The following CCDC30 variants were observed in gnomAD, a reference collection of about 807,000 sequenced individuals.
The protein encoded by CCDC30 is coiled-coil domain-containing protein 30.
A neutral mutation model predicts 100.2 loss-of-function variants in CCDC30; 70 were observed. The ratio of observed to expected loss-of-function variants is 0.70; its 90% confidence interval spans 0.58 to 0.85. The LOEUF is 0.85. Among genes scored for constraint, CCDC30 ranks in the 40% least tolerant of loss-of-function variants. CCDC30 has a pLI of 0.00. For missense variants in CCDC30, 652 were observed against 771.2 expected, an observed-to-expected ratio of 0.85 and a Z score of 1.83; for synonymous variants, 233 against 269.5, an observed-to-expected ratio of 0.86 and a Z score of 1.33.
At chr1:42,607,100 G>GA (rs1247423942) in intron 10 of CCDC30, among the ~76,000 whole-genome samples, 2 of 152,162 alleles carry the variant, frequency 1.3e-5, no homozygotes, top group African/African-American at 4.8e-5. Flanking sequence ...GGAAAGTGAA[G>GA]AATTTAAAGT....
rs146599969 is a variant in CCDC30 at position 42,644,132 on chromosome 1, G to A, written c.1557-561G>A. Among the ~76,000 whole-genome samples the A allele has an allele frequency of 1.1e-3, 163 of 152,200 alleles. 2 individuals are homozygous for A. The highest frequency in any genetic ancestry group is 3.4e-3 in the Middle Eastern group (1 of 294). The stretch of plus-strand genomic sequence containing the variant: ...GAGACATAAATATGTATATGTAAAG[G>A]AGAGTATATACATATATATAAAGAG... On this transcript the variant is annotated intron_variant, in intron 13 of 16. Transcript: ENST00000668663.
chr1:42,610,737 T>C (rs1459189168), intron 10 of CCDC30, among the ~76,000 whole-genome samples: 1 of 152,128 alleles, frequency 6.6e-6, no homozygotes, highest in African/African-American at 2.4e-5. Flanking sequence ...GGAAGATTTT[T>C]AATAAAGGGA....
intron 8 of CCDC30, 99 bp downstream of exon 12, chr1:42,577,328 A>T (rs1645861115): frequency 1.3e-6 from 1 of 789,024 alleles, no homozygotes; most frequent in African/African-American, 1.8e-5. Context: ...TGCAGACTTG[A>T]TAGAATTCTA....
At chr1:42,486,984 T>G (rs1644061305) in intron 3 of CCDC30, among the ~76,000 whole-genome samples, 1 of 152,000 alleles carries the variant, frequency 6.6e-6, no homozygotes, top group Admixed American at 6.6e-5. Context: ...GGAAGTAGAT[T>G]GGCATAGCTG....
chr1:42,639,496 C>T (rs1647245022), intron 12 of CCDC30, among the ~76,000 whole-genome samples: 1 of 152,200 alleles, frequency 6.6e-6, no homozygotes, highest in Non-Finnish European at 1.5e-5. Context: ...ACCCAAAGAA[C>T]CACAGGTCTT....
intron 6 of CCDC30, among the ~76,000 whole-genome samples, chr1:42,510,827 G>C (rs867866647): frequency 5.3e-5 from 8 of 152,066 alleles, no homozygotes; most frequent in Middle Eastern, 3.4e-3. Flanking sequence ...TCTCTAATTT[G>C]GGGGAATCAT....
chr1:42,459,368 T>C, upstream of CCDC30: 1 of 504,254 alleles, frequency 2.0e-6, no homozygotes, highest in Non-Finnish European at 3.5e-6. Context: ...TTTGCCATGT[T>C]GCCCAGGCTG....
intron 6 of CCDC30, among the ~76,000 whole-genome samples, chr1:42,509,010 C>CA (rs1391738434): frequency 3.9e-5 from 6 of 152,270 alleles, no homozygotes; most frequent in Admixed American, 3.9e-4. Context: ...TTGAACTTTA[C>CA]AAAAAGTAAC....
intron 12 of CCDC30, 66 bp downstream of exon 16, chr1:42,637,444 C>T (rs994843757): frequency 8.8e-6 from 13 of 1,482,556 alleles, no homozygotes; most frequent in African/African-American, 1.4e-5. Flanking sequence ...TGGAGAAAGC[C>T]TTTTCATTTT....
chr1:42,544,082 G>A (rs1033089495), intron 6 of CCDC30, among the ~76,000 whole-genome samples: 6 of 151,954 alleles, frequency 3.9e-5, no homozygotes, highest in Non-Finnish European at 1.5e-5. Flanking sequence ...GTACAGACAC[G>A]GGGTCTTGCT....
At chr1:42,489,286 A>G (rs570671771) in intron 3 of CCDC30, among the ~76,000 whole-genome samples, 6 of 152,304 alleles carry the variant, frequency 3.9e-5, no homozygotes, top group African/African-American at 1.2e-4. Context: ...TATAAAATGG[A>G]AACATGAATA....
At chr1:42,606,459 G>A (rs556773485) in intron 10 of CCDC30, among the ~76,000 whole-genome samples, 2 of 152,188 alleles carry the variant, frequency 1.3e-5, no homozygotes, top group Admixed American at 6.5e-5. Flanking sequence ...TGTACTTTTA[G>A]TAGAGGTGAG....
At chr1:42,507,574 A>G (rs6699792) in intron 6 of CCDC30, among the ~76,000 whole-genome samples, 23 of 152,352 alleles carry the variant, frequency 1.5e-4, no homozygotes, top group Admixed American at 2.6e-4. Flanking sequence ...ACTAAAAAAC[A>G]TATTTTACTG....
intron 2 of CCDC30, among the ~76,000 whole-genome samples, chr1:42,481,820 A>G (rs763632138): frequency 5.3e-5 from 8 of 152,340 alleles, no homozygotes; most frequent in Non-Finnish European, 1.0e-4. Context: ...TAAACTGTAC[A>G]TCACAGTATT....
At chr1:42,483,316 GT>G (rs1643996315) in intron 3 of CCDC30, among the ~76,000 whole-genome samples, 1 of 152,172 alleles carries the variant, frequency 6.6e-6, no homozygotes, top group Non-Finnish European at 1.5e-5. Context: ...TGTGTTGTCA[GT>G]TTTTGTCTAT....
chr1:42,485,066 G>A (rs549432004), intron 3 of CCDC30, among the ~76,000 whole-genome samples: 4 of 152,156 alleles, frequency 2.6e-5, no homozygotes, highest in Admixed American at 2.6e-4. Flanking sequence ...TGTTTAAAAA[G>A]AGTTCTTATT....
chr1:42,596,334 C>A lies in CCDC30; in HGVS notation c.1164+6851C>A, dbSNP rs1437072652. ...GTTCTTGTGAATATCTGAGAAAAAT[C>A]CCCTTTTGCTTCCAGAACGGGGAGA... On this transcript the variant is annotated intron_variant, in intron 10 of 16. Coordinates refer to ENST00000668663, the Ensembl canonical transcript of CCDC30. The surrounding 1 kb of genome is among the most constrained non-coding windows in gnomAD (Gnocchi z 4.3). Among the ~76,000 whole-genome samples, 1 of 152,130 alleles carries A rather than the reference C, an allele frequency of 6.6e-6. No individual in the cohort carries two copies. Among genetic ancestry groups the A allele is most frequent in the Non-Finnish European group, 1.5e-5 (1 of 68,034 alleles).
chr1:42,480,395 A>G (rs1643938886), intron 1 of CCDC30, 66 bp from the exon 2 acceptor site: 1 of 152,376 alleles, frequency 6.6e-6, no homozygotes, highest in Admixed American at 6.5e-5. Flanking sequence ...TCTTGCTAAA[A>G]TTTATCATTC....
chr1:42,644,492 C>T (rs1427826585), intron 13 of CCDC30, among the ~76,000 whole-genome samples: 1 of 152,116 alleles, frequency 6.6e-6, no homozygotes, highest in Non-Finnish European at 1.5e-5. Flanking sequence ...ACTTTGTATC[C>T]CTCCATGCAA....
Sources: gnomAD v4.1 joint callset for allele counts (sites outside exome capture counted in the v4.1 genomes callset) on GRCh38, gnomAD v4.1.1 for gene constraint, Gnocchi (gnomAD v3.1) non-coding constraint, MANE v1.5 for transcripts, NCBI Gene and HGNC (gene_info 2026-07-23, HGNC 2026-07-21) for gene names.